Variants in FRAS1 observed in about 807,000 individuals in gnomAD.
The protein encoded by FRAS1 is Fraser extracellular matrix complex subunit 1.
A neutral mutation model predicts 435.2 loss-of-function variants in FRAS1; 290 were observed. That is an observed-to-expected ratio of 0.67 (90% CI 0.61 to 0.73). FRAS1 has a LOEUF of 0.73. Ranked by LOEUF, FRAS1 falls within the 30% of genes least tolerant of loss-of-function variation. The pLI is 0.00. For synonymous variants in FRAS1, 1,800 were observed against 1,851.0 expected, an observed-to-expected ratio of 0.97 and a Z score of 0.71; for missense variants, 4,860 against 5,001.5, an observed-to-expected ratio of 0.97 and a Z score of 0.85.
chr4:78,313,231 G>A (rs1257695040), intron 15 of FRAS1, among the ~76,000 whole-genome samples: 1 of 152,100 alleles, frequency 6.6e-6, no homozygotes, highest in East Asian at 1.9e-4. Flanking sequence ...TCATTTCTTT[G>A]TTCCAGTCCT....
chr4:78,279,176 A>G (rs1727202763), intron 10 of FRAS1, among the ~76,000 whole-genome samples: 3 of 152,188 alleles, frequency 2.0e-5, no homozygotes, highest in African/African-American at 7.2e-5. Flanking sequence ...TCTAGGAGGA[A>G]ACATACCAGG....
intron 38 of FRAS1, among the ~76,000 whole-genome samples, chr4:78,434,222 A>G (rs941241268): frequency 6.6e-6 from 1 of 152,214 alleles, no homozygotes; most frequent in Non-Finnish European, 1.5e-5. Context: ...TATTAACTGG[A>G]AGAGAGTGAT....
intron 2 of FRAS1, among the ~76,000 whole-genome samples, chr4:78,157,649 C>G (rs1037688083): frequency 1.3e-5 from 2 of 152,120 alleles, no homozygotes; most frequent in Non-Finnish European, 2.9e-5. Context: ...CATTTGCCCA[C>G]TTTTTAATTT....
chr4:78,385,811 G>C (rs976650875), intron 28 of FRAS1, among the ~76,000 whole-genome samples: 7 of 151,988 alleles, frequency 4.6e-5, no homozygotes, highest in East Asian at 3.9e-4. Flanking sequence ...CTTGAACCCG[G>C]GAGGCAGAGG....
intron 2 of FRAS1, among the ~76,000 whole-genome samples, chr4:78,218,088 TCA>T (rs1190633153): frequency 2.7e-4 from 2 of 7,282 alleles, no homozygotes; most frequent in Middle Eastern, 0.062. Context: ...TCTCTCTCTC[TCA>T]CTCTCTCTCA....
intron 2 of FRAS1, among the ~76,000 whole-genome samples, chr4:78,142,774 G>T (rs1186248735): frequency 8.5e-5 from 13 of 152,270 alleles, no homozygotes. Flanking sequence ...TCCATGCATT[G>T]TCTAAGAAGT....
rs61224626 is a variant in FRAS1, at chr4:78,136,908, G to A, written c.108+70892G>A. ...AGTACTTTTGGCATACCTACTGTGC[G>A]CCAGCACCGTGCTCGGTTTTGGGAT... On this transcript the variant is annotated intron_variant, in intron 2 of 73. Transcript: ENST00000512123. Among the ~76,000 whole-genome samples, 1,006 of 152,276 alleles carry A rather than the reference G, an allele frequency of 6.6e-3. 14 individuals are homozygous for A. Among genetic ancestry groups the A allele is most frequent in the African/African-American group, 0.023 (950 of 41,554 alleles).
chr4:78,492,324 G>C (rs1489891068), intron 59 of FRAS1, among the ~76,000 whole-genome samples: 2 of 152,052 alleles, frequency 1.3e-5, no homozygotes, highest in Admixed American at 6.6e-5. Context: ...CCATAAAAGA[G>C]CCATATAGCC....
At chr4:78,493,762 A>T (rs1287291134) in intron 59 of FRAS1, among the ~76,000 whole-genome samples, 1 of 152,162 alleles carries the variant, frequency 6.6e-6, no homozygotes, top group African/African-American at 2.4e-5. Context: ...CTATGTGACA[A>T]ACCTGCATGT....
intron 56 of FRAS1, among the ~76,000 whole-genome samples, chr4:78,480,257 T>G (rs944508300): frequency 2.0e-5 from 3 of 151,810 alleles, no homozygotes; most frequent in African/African-American, 7.3e-5. Flanking sequence ...CTTCCCATCC[T>G]CTGGTAACCA....
rs749856106 is a variant in FRAS1 at position 78,479,480 on chromosome 4, G to T, written c.8205G>T (p.Gly2735=). ...CAGGCTCTGATTTTAAATCTAGAGGGATGTCTGCCGCGAGTCGTGTGATAT... is the reference window on the plus strand; with the variant it reads ...CAGGCTCTGATTTTAAATCTAGAGGTATGTCTGCCGCGAGTCGTGTGATAT... The part of the protein sequence containing the change: ...LESGSDFKSR[G]MSAASRVIFG... The change falls in exon 56 of 74, where the codon GGG becomes GGT. Residue 2735 remains glycine (G), a synonymous_variant. Coordinates refer to ENST00000512123, the MANE Select transcript of FRAS1 (RefSeq NM_025074.7). 4 of 1,611,718 alleles carry T rather than the reference G, an allele frequency of 2.5e-6. No individual in the cohort carries two copies. The highest frequency in any genetic ancestry group is 1.7e-4 in the Middle Eastern group (1 of 6,048).
intron 14 of FRAS1, among the ~76,000 whole-genome samples, chr4:78,299,811 T>G (rs1728305767): frequency 6.6e-6 from 1 of 152,248 alleles, no homozygotes; most frequent in South Asian, 2.1e-4. Context: ...CCATTCATCA[T>G]TTCCTTGGCA....
chr4:78,299,690 G>A (rs1728300153), intron 14 of FRAS1, among the ~76,000 whole-genome samples: 2 of 152,116 alleles, frequency 1.3e-5, no homozygotes, highest in African/African-American at 2.4e-5. Context: ...AAGCAGAAGT[G>A]ATCATTCCAC....
At chr4:78,196,809 C>T (rs763286179) in intron 2 of FRAS1, among the ~76,000 whole-genome samples, 23 of 152,144 alleles carry the variant, frequency 1.5e-4, no homozygotes, top group African/African-American at 2.9e-4. Context: ...ACTTGAGAAA[C>T]GCCAACTTCA....
chr4:78,483,836 A>C (rs1720091938), intron 58 of FRAS1, among the ~76,000 whole-genome samples: 1 of 143,818 alleles, frequency 7.0e-6, no homozygotes, highest in Non-Finnish European at 1.5e-5. Flanking sequence ...CACACATACA[A>C]CAAACATACA....
chr4:78,372,411 G>C (rs990890595), intron 23 of FRAS1, among the ~76,000 whole-genome samples: 23 of 152,154 alleles, frequency 1.5e-4, no homozygotes, highest in African/African-American at 4.8e-4. Flanking sequence ...ACTTGATATG[G>C]CACAGGGATA....
At chr4:78,136,977 G>GAA (rs1337485571) in intron 2 of FRAS1, among the ~76,000 whole-genome samples, 58 of 152,342 alleles carry the variant, frequency 3.8e-4, no homozygotes, top group African/African-American at 1.3e-3. Flanking sequence ...ACAGTGGAGT[G>GAA]GGCACCAGCA....
intron 2 of FRAS1, among the ~76,000 whole-genome samples, chr4:78,225,445 G>A (rs544555108): frequency 6.6e-6 from 1 of 152,160 alleles, no homozygotes; most frequent in Non-Finnish European, 1.5e-5. Context: ...GCTTGGTAAA[G>A]GCCAAGTCTG....
At chr4:78,089,452 A>C (rs13125467) in intron 2 of FRAS1, among the ~76,000 whole-genome samples, 2 of 152,204 alleles carry the variant, frequency 1.3e-5, no homozygotes, top group Non-Finnish European at 2.9e-5. Flanking sequence ...AAAAAAAATA[A>C]CAGTATGTTA....
Sources: gnomAD v4.1 joint callset for allele counts (sites outside exome capture counted in the v4.1 genomes callset) on GRCh38, gnomAD v4.1.1 for gene constraint, MANE v1.5 for transcripts, NCBI Gene and HGNC (gene_info 2026-07-23, HGNC 2026-07-21) for gene names.